SDHAF3: variants seen among roughly 807,000 people sequenced by gnomAD.
SDHAF3 encodes the protein succinate dehydrogenase assembly factor 3, mitochondrial.
A neutral mutation model predicts 11.5 loss-of-function variants in SDHAF3; 18 were observed. That is an observed-to-expected ratio of 1.56 (90% CI 1.08 to 2.32). The LOEUF (loss-of-function observed/expected upper bound fraction) is 2.32. SDHAF3 is among the 30% of genes most tolerant of loss of function. The pLI is 0.00. For missense variants in SDHAF3, 200 were observed against 154.4 expected (o/e 1.30, Z -1.57); for synonymous variants, 72 against 59.3 (o/e 1.21, Z -0.99).
intron 1 of SDHAF3, among the ~76,000 whole-genome samples, chr7:97,134,588 A>G (rs1423624358): frequency 1.3e-5 from 2 of 152,118 alleles, no homozygotes; most frequent in South Asian, 4.1e-4. Flanking sequence ...CTGGTATTAC[A>G]AGTGCCTGCC....
At chr7:97,162,537 AT>A in intron 1 of SDHAF3, among the ~76,000 whole-genome samples, 1 of 152,206 alleles carries the variant, frequency 6.6e-6, no homozygotes, top group Admixed American at 6.5e-5. Flanking sequence ...AGTGCCATAA[AT>A]TTCCCTCTAC....
chr7:97,121,174 C>T (rs1562818552), intron 1 of SDHAF3, among the ~76,000 whole-genome samples: 1 of 152,140 alleles, frequency 6.6e-6, no homozygotes, highest in African/African-American at 2.4e-5. Context: ...CTCCATAGAT[C>T]GGGGGTCTTA....
At chr7:97,121,258 T>C (rs1470216968) in intron 1 of SDHAF3, among the ~76,000 whole-genome samples, 1 of 152,266 alleles carries the variant, frequency 6.6e-6, no homozygotes, top group Non-Finnish European at 1.5e-5. Context: ...TTTTTCTCTC[T>C]GTGCCTACCA....
chr7:97,136,452 C>A, intron 1 of SDHAF3: 2 of 652,640 alleles, frequency 3.1e-6, no homozygotes, highest in African/African-American at 1.8e-5. Flanking sequence ...TGAAGAATTC[C>A]GATTTGGTAC....
At position 97,117,864 on chromosome 7, in the gene SDHAF3, T is replaced by A; in HGVS notation, c.141T>A (p.Ser47=). The A allele has an allele frequency of 6.2e-7, 1 of 1,614,220 alleles. No homozygotes were observed. The highest frequency in any genetic ancestry group is 1.1e-5 in the South Asian group (1 of 91,090). ...DEFRRHKTVG[S]DEAQRFLQEW... ...TTAGGAGACATAAGACCGTTGGTTC[T>A]GACGAGGCACAGCGTTTCTTGCAAG... is the stretch of plus-strand genomic sequence containing the variant. The change falls in exon 1 of 2, where the codon TCT becomes TCA. Residue 47 remains serine (S), a synonymous_variant. Coordinates refer to ENST00000432641, the MANE Select transcript of SDHAF3 (RefSeq NM_020186.3).
chr7:97,148,893 A>T (rs1789175123), intron 1 of SDHAF3, among the ~76,000 whole-genome samples: 1 of 151,946 alleles, frequency 6.6e-6, no homozygotes, highest in Admixed American at 6.5e-5. Flanking sequence ...CAGTAATTTA[A>T]AAAGTAGATT....
intron 1 of SDHAF3, among the ~76,000 whole-genome samples, chr7:97,121,860 T>G (rs1286848706): frequency 2.9e-5 from 4 of 136,898 alleles, no homozygotes; most frequent in East Asian, 2.0e-4. Flanking sequence ...TTTTGTTTTT[T>G]TTTTTTTTGT....
chr7:97,130,941 C>G (rs900271933), intron 1 of SDHAF3, among the ~76,000 whole-genome samples: 5 of 152,302 alleles, frequency 3.3e-5, no homozygotes, highest in Non-Finnish European at 5.9e-5. Context: ...AGGAAGTTCT[C>G]TATCTGGTCA....
chr7:97,155,808 A>T (rs1036873942), intron 1 of SDHAF3, among the ~76,000 whole-genome samples: 1 of 151,992 alleles, frequency 6.6e-6, no homozygotes, highest in East Asian at 1.9e-4. Context: ...ATATATTTAT[A>T]TATATTATAA....
At chr7:97,138,631 A>G (rs935797566) in intron 1 of SDHAF3, among the ~76,000 whole-genome samples, 1 of 152,238 alleles carries the variant, frequency 6.6e-6, no homozygotes, top group Non-Finnish European at 1.5e-5. Context: ...TTGATTAACC[A>G]TTCTAAGCCT....
In SDHAF3 at chr7:97,117,745, C is replaced by G. The variant is rs770997357; in HGVS notation, c.22C>G (p.Arg8Gly). 14 of 1,613,454 alleles carry G rather than the reference C, an allele frequency of 8.7e-6. No individual in the cohort carries two copies. The African/African-American group carries it at 1.1e-4, about 12-fold the overall frequency. Residue 8 changes from arginine to glycine, a missense_variant, in exon 1 of 2, where the codon CGA becomes GGA. Arg to Gly is a moderately radical substitution (Grantham distance 125, BLOSUM62 -2). Coordinates refer to ENST00000432641, the MANE Select transcript of SDHAF3 (RefSeq NM_020186.3). MPGRHVS[R>G]VRALYKRVLQ... is the part of the protein sequence containing the mutation. ...CGCTATGCCGGGGCGGCACGTTTCT[C>G]GAGTCCGGGCATTGTACAAGCGCGT...
At chr7:97,156,859 A>T (rs1426436360) in intron 1 of SDHAF3, among the ~76,000 whole-genome samples, 2 of 152,206 alleles carry the variant, frequency 1.3e-5, no homozygotes, top group Non-Finnish European at 2.9e-5. Flanking sequence ...TCTGGGGTAC[A>T]TGCGCACAAC....
intron 1 of SDHAF3, among the ~76,000 whole-genome samples, chr7:97,148,485 T>C (rs1263657545): frequency 6.6e-6 from 1 of 152,154 alleles, no homozygotes; most frequent in Non-Finnish European, 1.5e-5. Flanking sequence ...TGAAGCCAGC[T>C]ATGATTGCCC....
At chr7:97,155,325 A>G (rs949286048) in intron 1 of SDHAF3, among the ~76,000 whole-genome samples, 1 of 152,188 alleles carries the variant, frequency 6.6e-6, no homozygotes, top group African/African-American at 2.4e-5. Context: ...AGTGCTCAGT[A>G]GTCATCTTGG....
chr7:97,148,557 A>G (rs1177534367), intron 1 of SDHAF3, among the ~76,000 whole-genome samples: 1 of 152,126 alleles, frequency 6.6e-6, no homozygotes, highest in Non-Finnish European at 1.5e-5. Flanking sequence ...AAATAAACAA[A>G]TAGTCACCAG....
chr7:97,174,150 C>T (rs990683923), intron 1 of SDHAF3, among the ~76,000 whole-genome samples: 2 of 151,776 alleles, frequency 1.3e-5, no homozygotes, highest in East Asian at 3.9e-4. Context: ...AACTCCTGAC[C>T]TCAAGGGATC....
At chr7:97,142,279 T>G (rs1789061577) in intron 1 of SDHAF3, among the ~76,000 whole-genome samples, 1 of 151,958 alleles carries the variant, frequency 6.6e-6, no homozygotes, top group African/African-American at 2.4e-5. Flanking sequence ...GGTCTCAAAC[T>G]CCTGACCTCG....
intron 1 of SDHAF3, among the ~76,000 whole-genome samples, chr7:97,138,321 G>A (rs982214109): frequency 6.6e-6 from 1 of 151,878 alleles, no homozygotes; most frequent in Non-Finnish European, 1.5e-5. Flanking sequence ...CACCACACCT[G>A]GCTAATTTTT....
chr7:97,149,745 G>C lies in SDHAF3; in HGVS notation c.175-31267G>C, dbSNP rs185295051. On this transcript the variant is annotated intron_variant, in intron 1 of 1. Coordinates refer to ENST00000432641, the MANE Select transcript of SDHAF3 (RefSeq NM_020186.3). ...TGTTGACGGCTGCTGAATGATGAGG[G>C]GGGTAGTTGCTGAAGTTTAGGGTAG... is the stretch of plus-strand genomic sequence containing the variant. Among the ~76,000 whole-genome samples, 7 of 152,294 alleles carry C rather than the reference G, an allele frequency of 4.6e-5. No homozygotes were observed. The East Asian group carries it at 7.7e-4, about 17-fold the overall frequency.
Sources: allele counts gnomAD v4.1 joint callset (sites outside exome capture counted in the v4.1 genomes callset), GRCh38; gene constraint gnomAD v4.1.1; transcripts MANE v1.5; gene names NCBI Gene and HGNC (gene_info 2026-07-23, HGNC 2026-07-21).